Variants in PLCB1 observed in about 807,000 individuals in gnomAD.
PLCB1 encodes 1-phosphatidylinositol 4,5-bisphosphate phosphodiesterase beta-1.
In PLCB1, 46 loss-of-function variants were observed where a neutral mutation model predicts 161.8. The observed-to-expected ratio is 0.28, with a 90% CI of 0.22 to 0.36. The LOEUF (loss-of-function observed/expected upper bound fraction) is 0.36, where lower values mean the gene tolerates loss of function less well. PLCB1 is among the 10% of genes least tolerant of loss of function. The pLI, the probability that PLCB1 is intolerant of heterozygous loss-of-function variation, is 1.00. For missense variants in PLCB1, 1,016 were observed against 1,472.5 expected (o/e 0.69, Z 5.07); for synonymous variants, 517 against 503.7 (o/e 1.03, Z -0.35).
chr20:8,251,708 G>A (rs1000285086), intron 2 of PLCB1, among the ~76,000 whole-genome samples: 2 of 151,958 alleles, frequency 1.3e-5, no homozygotes, highest in Non-Finnish European at 2.9e-5. Flanking sequence ...TAAGATAATA[G>A]AAAAGGGAAT....
intron 2 of PLCB1, among the ~76,000 whole-genome samples, chr20:8,355,809 C>T (rs890515236): frequency 6.6e-6 from 1 of 152,124 alleles, no homozygotes; most frequent in Non-Finnish European, 1.5e-5. Flanking sequence ...ACTTAACCCT[C>T]AGCTTTTTTG....
intron 9 of PLCB1, among the ~76,000 whole-genome samples, chr20:8,662,906 A>C (rs2123339158): frequency 6.6e-6 from 1 of 152,116 alleles, no homozygotes; most frequent in Admixed American, 6.6e-5. Context: ...AAAACTTTAA[A>C]CTTTTAGTCA....
intron 26 of PLCB1, among the ~76,000 whole-genome samples, chr20:8,771,172 A>G (rs1322393519): frequency 6.6e-6 from 1 of 152,244 alleles, no homozygotes; most frequent in African/African-American, 2.4e-5. Flanking sequence ...CACACCAGAT[A>G]TCTAAGACTT....
chr20:8,199,784 T>G (rs1288086757), intron 2 of PLCB1, among the ~76,000 whole-genome samples: 2 of 152,176 alleles, frequency 1.3e-5, no homozygotes, highest in East Asian at 3.8e-4. Flanking sequence ...CGTACTAATA[T>G]TTAATATGTG....
In PLCB1 at chr20:8,409,465, G is replaced by GTTA. The variant is rs1175783304; in HGVS notation, c.246+38022_246+38024dup. Among the ~76,000 whole-genome samples, 13 of 138,924 alleles carry GTTA rather than the reference G, an allele frequency of 9.4e-5. No individual in the cohort carries two copies. The East Asian group carries it at 2.3e-3, about 25-fold the overall frequency. The allele number at this position is 138,924 out of a possible 152,430, so 91.1% of individuals were successfully genotyped here. ...TATTTTTATTATTATTATTATTATT[G>GTTA]TTATTATTAATTTTGAGATGGAGTT... is the stretch of plus-strand genomic sequence containing the variant. On this transcript the variant is annotated intron_variant, in intron 3 of 31. Transcript: ENST00000338037.
At chr20:8,240,811 C>G (rs1399297795) in intron 2 of PLCB1, among the ~76,000 whole-genome samples, 1 of 151,922 alleles carries the variant, frequency 6.6e-6, no homozygotes, top group African/African-American at 2.4e-5. Flanking sequence ...GTGTCTACAT[C>G]AAATTTTTTC....
intron 3 of PLCB1, among the ~76,000 whole-genome samples, chr20:8,410,350 A>G (rs1473883078): frequency 6.6e-6 from 1 of 152,320 alleles, no homozygotes; most frequent in Admixed American, 6.5e-5. Context: ...ATTTTCTCAA[A>G]GTAGTTGCCC....
At chr20:8,353,060 C>T (rs1986233559) in intron 2 of PLCB1, among the ~76,000 whole-genome samples, 1 of 152,032 alleles carries the variant, frequency 6.6e-6, no homozygotes, top group African/African-American at 2.4e-5. Flanking sequence ...AACTTGGTTT[C>T]TAGTGCCGTT....
intron 9 of PLCB1, among the ~76,000 whole-genome samples, chr20:8,666,074 T>C (rs531008226): frequency 1.3e-4 from 20 of 152,074 alleles, no homozygotes; most frequent in Non-Finnish European, 2.8e-4. Flanking sequence ...GCCTCAGGAG[T>C]AGTTGAAGAA....
chr20:8,146,467 A>G (rs1459705379), intron 1 of PLCB1, among the ~76,000 whole-genome samples: 2 of 152,226 alleles, frequency 1.3e-5, no homozygotes, highest in Non-Finnish European at 2.9e-5. Flanking sequence ...GCTCAGAGCA[A>G]ATGTTGAGAA....
At chr20:8,504,867 G>A (rs191794042) in intron 3 of PLCB1, among the ~76,000 whole-genome samples, 1 of 152,234 alleles carries the variant, frequency 6.6e-6, no homozygotes, top group African/African-American at 2.4e-5. Context: ...GGAAGATATT[G>A]GATAGTTTTT....
chr20:8,566,678 A>G (rs1371530219), intron 3 of PLCB1, among the ~76,000 whole-genome samples: 2 of 152,182 alleles, frequency 1.3e-5, no homozygotes, highest in African/African-American at 4.8e-5. Flanking sequence ...GTGTTGTAAC[A>G]TAAATTTAGT....
At chr20:8,344,841 T>C (rs6039148) in intron 2 of PLCB1, among the ~76,000 whole-genome samples, 30,637 of 152,138 alleles carry the variant, frequency 0.2, 3,525 homozygotes, top group African/African-American at 0.3. Flanking sequence ...AAGTGTTTGC[T>C]GCAAGCAAAT....
At chr20:8,711,444 A>T (rs1416857802) in intron 12 of PLCB1, among the ~76,000 whole-genome samples, 1 of 152,176 alleles carries the variant, frequency 6.6e-6, no homozygotes, top group South Asian at 2.1e-4. Context: ...TACTGCCCTT[A>T]TGGGCTTAAA....
intron 3 of PLCB1, among the ~76,000 whole-genome samples, chr20:8,606,788 C>T (rs1436792394): frequency 6.6e-6 from 1 of 152,194 alleles, no homozygotes; most frequent in Non-Finnish European, 1.5e-5. Context: ...GAATTTCTCT[C>T]AAACCTTTAT....
intron 31 of PLCB1, among the ~76,000 whole-genome samples, chr20:8,820,751 A>C (rs1223915277): frequency 2.6e-5 from 4 of 152,204 alleles, no homozygotes; most frequent in African/African-American, 9.6e-5. Flanking sequence ...TAGTAGAATA[A>C]AGCAATGTTA....
At chr20:8,376,665 A>T (rs897117697) in intron 3 of PLCB1, among the ~76,000 whole-genome samples, 2 of 152,200 alleles carry the variant, frequency 1.3e-5, no homozygotes, top group African/African-American at 4.8e-5. Context: ...GCAGTGGCTC[A>T]CGCCTGTAAT....
intron 9 of PLCB1, among the ~76,000 whole-genome samples, chr20:8,667,325 T>C (rs6055987): frequency 0.71 from 107,791 of 152,104 alleles, 39,504 homozygotes; most frequent in African/African-American, 0.89. Flanking sequence ...TTGTCGTCCC[T>C]GAGTGCATTC....
At chr20:8,593,386 G>T (rs376884505) in intron 3 of PLCB1, among the ~76,000 whole-genome samples, 8 of 152,090 alleles carry the variant, frequency 5.3e-5, no homozygotes, top group African/African-American at 1.9e-4. Context: ...TGAAGACAGG[G>T]TCTTGCTCTG....
Sources: allele counts gnomAD v4.1 joint callset (sites outside exome capture counted in the v4.1 genomes callset), GRCh38; gene constraint gnomAD v4.1.1; transcripts MANE v1.5; gene names NCBI Gene and HGNC (gene_info 2026-07-23, HGNC 2026-07-21).